The following MYRIP variants were observed in gnomAD, a reference collection of about 807,000 sequenced individuals.
MYRIP encodes myosin VIIA and Rab interacting protein.
A neutral mutation model predicts 98.0 loss-of-function variants in MYRIP; 49 were observed. That is an observed-to-expected ratio of 0.50 (90% confidence interval 0.40 to 0.63). MYRIP has a LOEUF of 0.63. MYRIP is among the 30% of genes least tolerant of loss of function. The pLI is 0.00. For synonymous variants in MYRIP, 404 were observed against 409.5 expected (o/e 0.99, Z 0.16); for missense variants, 1,004 against 1,058.2 (o/e 0.95, Z 0.71).
chr3:40,122,182 C>A (rs1235161832), intron 3 of MYRIP, among the ~76,000 whole-genome samples: 2 of 151,542 alleles, frequency 1.3e-5, no homozygotes, highest in Non-Finnish European at 2.9e-5. Flanking sequence ...AAGTGTGATG[C>A]ACATAAAACT....
chr3:40,242,212 A>C (rs1452870683), intron 12 of MYRIP: 1 of 152,246 alleles, frequency 6.6e-6, no homozygotes, highest in Non-Finnish European at 1.5e-5. Context: ...AGCATATATA[A>C]GTCACATAAA....
chr3:40,118,805 A>C (rs997287871), intron 3 of MYRIP, among the ~76,000 whole-genome samples: 2 of 149,862 alleles, frequency 1.3e-5, no homozygotes, highest in African/African-American at 4.9e-5. Context: ...TCCTGTGTCC[A>C]TGTGTTCTCA....
At chr3:40,220,767 G>A (rs1336786160) in intron 11 of MYRIP, among the ~76,000 whole-genome samples, 4 of 152,028 alleles carry the variant, frequency 2.6e-5, no homozygotes, top group African/African-American at 9.7e-5. Context: ...AAGGCAAAGG[G>A]GAAGCAGGCA....
rs1559500629 is a variant in MYRIP at position 39,863,898 on chromosome 3, C to CA, written c.-30-36882dup. Among the ~76,000 whole-genome samples, 6 of 152,070 alleles carry CA rather than the reference C, an allele frequency of 3.9e-5. 1 individual carries two copies. The South Asian group carries it at 1.0e-3, about 26-fold the overall frequency. On this transcript the variant is annotated intron_variant, in intron 1 of 16. Coordinates refer to ENST00000302541, the MANE Select transcript of MYRIP (RefSeq NM_015460.4). ...TGATGATCATAGATGCAAAAACCCT[C>CA]AAAAAAATACTAGCAAACCAAATCC...
intron 3 of MYRIP, among the ~76,000 whole-genome samples, chr3:40,083,044 T>C (rs1219944367): frequency 6.6e-6 from 1 of 152,216 alleles, no homozygotes; most frequent in African/African-American, 2.4e-5. Flanking sequence ...ACAAAATCTC[T>C]TGCTAGCTCA....
intron 1 of MYRIP, among the ~76,000 whole-genome samples, chr3:39,851,157 T>C (rs1026638488): frequency 6.6e-6 from 1 of 152,104 alleles, no homozygotes; most frequent in Non-Finnish European, 1.5e-5. Flanking sequence ...GCCAGAAAAA[T>C]GAATCAAGAT....
intron 2 of MYRIP, among the ~76,000 whole-genome samples, chr3:39,939,225 C>T (rs1382723530): frequency 5.3e-5 from 8 of 152,136 alleles, no homozygotes; most frequent in Admixed American, 1.3e-4. Context: ...TGGTTTATCT[C>T]CTTGTCTTCT....
rs759822909 is a variant in MYRIP at position 40,250,494 on chromosome 3, T to C, written c.2423T>C (p.Val808Ala). ...AGGAGGAAACTGCCTGCTCCACCGG[T>C]GAAAGGTATGCTAAATTAAAACCAC... ...QQRRKLPAPP[V>A]KAEKIETSSV... Residue 808 changes from valine (V) to alanine (A), a missense_variant, in exon 15 of 17, where the codon GTG becomes GCG. Physicochemically the swap from Val to Ala is moderately conservative, Grantham distance 64 (BLOSUM62 0). Transcript: ENST00000302541. The C allele has an allele frequency of 6.2e-7, 1 of 1,614,126 alleles. No homozygotes were observed. The highest frequency in any genetic ancestry group is 1.7e-5 in the Admixed American group (1 of 60,008).
chr3:40,244,314 T>A (rs1218197791), intron 12 of MYRIP, 132 bp from the exon 13 acceptor site: 1 of 716,968 alleles, frequency 1.4e-6, no homozygotes, highest in African/African-American at 1.8e-5. Flanking sequence ...ATAAATGTTA[T>A]AAAAATAACA....
At chr3:40,137,574 A>G (rs987101992) in intron 3 of MYRIP, among the ~76,000 whole-genome samples, 2 of 152,226 alleles carry the variant, frequency 1.3e-5, no homozygotes, top group African/African-American at 4.8e-5. Context: ...TGGCACAGAC[A>G]CAAGCAAAAA....
At position 39,809,875 on chromosome 3, in the gene MYRIP, G is replaced by C. The variant is rs1389273998; in HGVS notation, c.-72G>C. ...CGGTGGCCTGAGCCCGGCCGCCATC[G>C]ATGACCCCGGTCGCGGACTTGCTTC... On this transcript the variant is annotated 5_prime_UTR_variant, in exon 1 of 17. Transcript: ENST00000302541. The C allele has an allele frequency of 1.3e-5, 2 of 152,334 alleles. No individual in the cohort carries two copies. The highest frequency in any genetic ancestry group is 1.3e-4 in the Admixed American group (2 of 15,290). The allele number at this position is 152,334 out of a possible 1,614,324, so 9.4% of individuals were successfully genotyped here.
In MYRIP at chr3:40,070,602, A is replaced by G. The variant is rs1948203362; in HGVS notation, c.332+26331A>G. On this transcript the variant is annotated intron_variant, in intron 3 of 16. Coordinates refer to ENST00000302541, the MANE Select transcript of MYRIP (RefSeq NM_015460.4). ...TGGTTCCTAACAAATCAGCGATGGC[A>G]TTAGATTCTCATAGGAGCACAAACC... 2.0e-5 allele frequency among the ~76,000 whole-genome samples: 3 copies of G among 152,182 alleles called. No homozygotes were observed. In the South Asian group the frequency reaches 6.2e-4, roughly 31 times the overall value.
intron 2 of MYRIP, among the ~76,000 whole-genome samples, chr3:39,966,747 G>A (rs1001940462): frequency 6.6e-6 from 1 of 152,128 alleles, no homozygotes; most frequent in African/African-American, 2.4e-5. Context: ...TAGTCCTCTG[G>A]AGACGGAACC....
At chr3:39,992,259 C>T (rs1946197165) in intron 2 of MYRIP, among the ~76,000 whole-genome samples, 1 of 152,170 alleles carries the variant, frequency 6.6e-6, no homozygotes, top group African/African-American at 2.4e-5. Context: ...CATCCCCGGA[C>T]TCTTTCCCCA....
chr3:39,934,811 C>T (rs915791889), intron 2 of MYRIP, among the ~76,000 whole-genome samples: 1 of 152,124 alleles, frequency 6.6e-6, no homozygotes. Flanking sequence ...ATCTGTTGTT[C>T]AGGTGTGTTT....
chr3:40,244,639 C>G, intron 13 of MYRIP, 32 bp downstream of exon 13: 1 of 1,570,746 alleles, frequency 6.4e-7, no homozygotes, highest in Non-Finnish European at 8.6e-7. Flanking sequence ...CACATGGGTC[C>G]TGCAGGGTGA....
chr3:39,872,788 C>G (rs1434628770), intron 1 of MYRIP, among the ~76,000 whole-genome samples: 1 of 152,158 alleles, frequency 6.6e-6, no homozygotes, highest in Non-Finnish European at 1.5e-5. Context: ...AATAGTGCTG[C>G]AATAAATATA....
rs951109062 is a variant in MYRIP, at chr3:40,259,616, G to A, written c.*1450G>A. Reference sequence around the variant, plus strand: ...TTGTTTTCAACCTCTACGTTATTTTGCTGCTATGTGCATTTCCAGATCTGA... The same window carrying A: ...TTGTTTTCAACCTCTACGTTATTTTACTGCTATGTGCATTTCCAGATCTGA... On this transcript the variant is annotated 3_prime_UTR_variant, in exon 17 of 17. Coordinates refer to ENST00000302541, the MANE Select transcript of MYRIP (RefSeq NM_015460.4). 49 of 152,128 alleles carry A rather than the reference G, an allele frequency of 3.2e-4. No individual in the cohort carries two copies. Among genetic ancestry groups the A allele is most frequent in the African/African-American group, 1.1e-3 (47 of 41,430 alleles). The allele number at this position is 152,128 out of a possible 1,614,324, so 9.4% of individuals were successfully genotyped here.
chr3:40,016,226 G>A lies in MYRIP; in HGVS notation c.111-27824G>A, dbSNP rs141423832. Among the ~76,000 whole-genome samples the A allele has an allele frequency of 6.2e-4, 94 of 152,088 alleles. 1 individual carries two copies. Among genetic ancestry groups the A allele is most frequent in the African/African-American group, 2.2e-3 (92 of 41,468 alleles). ...TGCCCAGCTTCTCCTCTGAGCCTCC[G>A]ACCTGTGTTTCCTCTTGGCTATTCC... On this transcript the variant is annotated intron_variant, in intron 2 of 16. Coordinates refer to ENST00000302541, the MANE Select transcript of MYRIP (RefSeq NM_015460.4).
Sources: allele counts gnomAD v4.1 joint callset (sites outside exome capture counted in the v4.1 genomes callset), GRCh38; gene constraint gnomAD v4.1.1; transcripts MANE v1.5; gene names NCBI Gene and HGNC (gene_info 2026-07-23, HGNC 2026-07-21).